The following ITGBL1 variants were observed in gnomAD, a reference collection of about 807,000 sequenced individuals.
ITGBL1 encodes the protein integrin subunit beta like 1.
ITGBL1 carries 51 observed loss-of-function variants against 68.5 expected under a neutral mutation model. The observed-to-expected ratio is 0.74, with a 90% CI of 0.59 to 0.94. The LOEUF is 0.94. ITGBL1 is among the 40% of genes least tolerant of loss of function. The probability of loss-of-function intolerance (pLI) is 0.00; values close to 1 mark genes in which losing one functional copy is unlikely to be tolerated. For synonymous variants in ITGBL1, 209 were observed against 227.3 expected, an observed-to-expected ratio of 0.92 and a Z score of 0.72; for missense variants, 649 against 647.4, an observed-to-expected ratio of 1.00 and a Z score of -0.03.
At chr13:101,649,365 A>T (rs916221950) in intron 7 of ITGBL1, among the ~76,000 whole-genome samples, 4 of 152,186 alleles carry the variant, frequency 2.6e-5, no homozygotes, top group African/African-American at 9.6e-5. Context: ...GCTTGTTTAC[A>T]TAAGGAATAT....
At chr13:101,613,142 G>T (rs2139370913) in intron 7 of ITGBL1, among the ~76,000 whole-genome samples, 1 of 152,304 alleles carries the variant, frequency 6.6e-6, no homozygotes, top group East Asian at 1.9e-4. Context: ...TGTTTACTCT[G>T]AAATGTTGTT....
chr13:101,516,133 G>A (rs1460264876), intron 2 of ITGBL1, among the ~76,000 whole-genome samples: 2 of 152,132 alleles, frequency 1.3e-5, no homozygotes, highest in Non-Finnish European at 2.9e-5. Context: ...ATAAAAATGA[G>A]CTAATTTTGG....
At chr13:101,579,257 C>T (rs1215435831) in intron 4 of ITGBL1, 30 bp from the exon 5 acceptor site, 1 of 1,595,820 alleles carries the variant, frequency 6.3e-7, no homozygotes. Flanking sequence ...TGCTTTTTTC[C>T]TCACTGTATA....
At chr13:101,626,548 A>G (rs1399527797) in intron 7 of ITGBL1, among the ~76,000 whole-genome samples, 8 of 152,074 alleles carry the variant, frequency 5.3e-5, no homozygotes, top group Non-Finnish European at 1.2e-4. Flanking sequence ...GAAACCTGGC[A>G]GTTTCTACTA....
chr13:101,464,530 T>G (rs1459925444), intron 2 of ITGBL1, among the ~76,000 whole-genome samples: 7 of 151,538 alleles, frequency 4.6e-5, no homozygotes, highest in African/African-American at 1.7e-4. Flanking sequence ...TCTCTCTCTC[T>G]CTATATATAT....
intron 6 of ITGBL1, among the ~76,000 whole-genome samples, chr13:101,595,874 A>G (rs1220256024): frequency 2.6e-5 from 4 of 152,194 alleles, no homozygotes; most frequent in Non-Finnish European, 4.4e-5. Flanking sequence ...TATCTTGAAG[A>G]GCTGTCTGCA....
intron 7 of ITGBL1, among the ~76,000 whole-genome samples, chr13:101,615,011 G>A (rs995810817): frequency 6.6e-6 from 1 of 152,092 alleles, no homozygotes; most frequent in African/African-American, 2.4e-5. Context: ...GAAAACAACA[G>A]AAATTTATTC....
chr13:101,468,766 C>T (rs1332468844), intron 2 of ITGBL1, among the ~76,000 whole-genome samples: 2 of 152,142 alleles, frequency 1.3e-5, no homozygotes, highest in Non-Finnish European at 2.9e-5. Flanking sequence ...TTATGCATCT[C>T]ATGTTAAAGA....
At chr13:101,461,951 G>T (rs1281464019) in intron 2 of ITGBL1, among the ~76,000 whole-genome samples, 1 of 152,146 alleles carries the variant, frequency 6.6e-6, no homozygotes, top group African/African-American at 2.4e-5. Flanking sequence ...GGTGTTGATA[G>T]CCTCTGTTCT....
downstream of ITGBL1, chr13:101,719,845 T>TAACA (rs1408582025): frequency 5.3e-5 from 8 of 150,892 alleles, no homozygotes; most frequent in African/African-American, 1.9e-4. Context: ...TCTTACTTAA[T>TAACA]AACAGCAAAC....
In ITGBL1 at chr13:101,686,466, T is replaced by G. The variant is rs1006657124; in HGVS notation, c.1016-6119T>G. Among the ~76,000 whole-genome samples the G allele has an allele frequency of 2.0e-5, 3 of 152,088 alleles. No homozygotes were observed. The South Asian group carries it at 6.2e-4, about 32-fold the overall frequency. On this transcript the variant is annotated intron_variant, in intron 7 of 10. Transcript: ENST00000376180. ...GAAGGACTTCAGACAAATATTCAAG[T>G]GCTGACTAATTTATAAACCCAGAGC...
At chr13:101,669,771 GTTC>G (rs1408401643) in intron 7 of ITGBL1, among the ~76,000 whole-genome samples, 1 of 152,058 alleles carries the variant, frequency 6.6e-6, no homozygotes, top group African/African-American at 2.4e-5. Flanking sequence ...AAATTGCTAT[GTTC>G]TTCTTTTAAA....
intron 10 of ITGBL1, chr13:101,714,804 C>T (rs571223532): frequency 1.5e-4 from 74 of 492,660 alleles, no homozygotes; most frequent in African/African-American, 1.3e-3. Context: ...GTAACCTCCC[C>T]ACCCTCAAAC....
chr13:101,717,287 T>C (rs541696994), downstream of ITGBL1: 54 of 152,296 alleles, frequency 3.5e-4, no homozygotes, highest in Admixed American at 3.1e-3. Context: ...AATGTTCTCA[T>C]AATGTAATAG....
At chr13:101,673,824 C>T (rs1227438872) in intron 7 of ITGBL1, among the ~76,000 whole-genome samples, 1 of 152,108 alleles carries the variant, frequency 6.6e-6, no homozygotes, top group East Asian at 1.9e-4. Flanking sequence ...GAACACTCCC[C>T]ACAGAACTCC....
intron 2 of ITGBL1, among the ~76,000 whole-genome samples, chr13:101,490,249 G>T (rs2048756964): frequency 1.3e-5 from 2 of 152,128 alleles, no homozygotes; most frequent in African/African-American, 4.8e-5. Context: ...CAGCAAGAAG[G>T]CTGCCATCTG....
intron 2 of ITGBL1, among the ~76,000 whole-genome samples, chr13:101,532,030 G>A (rs572504487): frequency 2.6e-5 from 4 of 152,028 alleles, no homozygotes; most frequent in South Asian, 2.1e-4. Context: ...CACCGCGCCC[G>A]GCCAGTTTTA....
intron 3 of ITGBL1, among the ~76,000 whole-genome samples, chr13:101,571,602 C>G (rs2148168): frequency 0.35 from 53,671 of 151,972 alleles, 9,719 homozygotes; most frequent in Non-Finnish European, 0.39. Flanking sequence ...TTCCTCAAAC[C>G]TTGCACCCTG....
At chr13:101,578,643 G>T (rs987615610) in intron 4 of ITGBL1, among the ~76,000 whole-genome samples, 1 of 152,152 alleles carries the variant, frequency 6.6e-6, no homozygotes, top group East Asian at 1.9e-4. Context: ...AATGGTGAGT[G>T]CCCTTACCTG....
Sources: allele counts gnomAD v4.1 joint callset (sites outside exome capture counted in the v4.1 genomes callset), GRCh38; gene constraint gnomAD v4.1.1; transcripts MANE v1.5; gene names NCBI Gene and HGNC (gene_info 2026-07-23, HGNC 2026-07-21).